Variants in PKN2 observed in about 807,000 individuals in gnomAD.
PKN2 encodes the protein serine/threonine-protein kinase N2.
PKN2 carries 38 observed loss-of-function variants against 119.1 expected under a neutral mutation model. The observed-to-expected ratio is 0.32, with a 90% CI of 0.25 to 0.42. The LOEUF (loss-of-function observed/expected upper bound fraction) is 0.42, where lower values mean the gene tolerates loss of function less well. PKN2 is among the 10% of genes least tolerant of loss of function. PKN2 has a pLI of 1.00. For synonymous variants in PKN2, 390 were observed against 384.9 expected (o/e 1.01, Z -0.15); for missense variants, 850 against 1,165.1 (o/e 0.73, Z 3.94).
chr1:88,705,259 GT>G (rs1361375984), intron 1 of PKN2, among the ~76,000 whole-genome samples: 3 of 150,868 alleles, frequency 2.0e-5, no homozygotes, highest in Non-Finnish European at 4.4e-5. Flanking sequence ...CTATTCTCCT[GT>G]TTTCTTCTAG....
At chr1:88,803,777 A>T (rs1671427092) in intron 8 of PKN2, among the ~76,000 whole-genome samples, 1 of 152,218 alleles carries the variant, frequency 6.6e-6, no homozygotes, top group African/African-American at 2.4e-5. Context: ...ATAAATGAAT[A>T]TCTTTCTGTA....
At chr1:88,707,646 T>G (rs564002716) in intron 1 of PKN2, among the ~76,000 whole-genome samples, 1 of 152,268 alleles carries the variant, frequency 6.6e-6, no homozygotes, top group African/African-American at 2.4e-5. Context: ...TTCCTTTTCC[T>G]TACAGATTAT....
In PKN2 at chr1:88,834,989, A is replaced by G. The variant is rs1672884856; in HGVS notation, c.*1541A>G. The stretch of plus-strand genomic sequence containing the variant: ...TTAACTATTTAATTACAGTGAGCTC[A>G]TCTCTTAAAAATTGTTCAGGTGTAA... On this transcript the variant is annotated 3_prime_UTR_variant, in exon 22 of 22. Transcript: ENST00000370521. 1 of 152,498 alleles carries G rather than the reference A, an allele frequency of 6.6e-6. No homozygotes were observed. The highest frequency in any genetic ancestry group is 2.1e-4 in the South Asian group (1 of 4,832). 9.4% of individuals were successfully genotyped at this position (152,498 alleles called of 1,614,324 possible). A position where few individuals can be genotyped will look rare whatever the true frequency, so the allele number is the denominator to read the frequency against.
intron 1 of PKN2, among the ~76,000 whole-genome samples, chr1:88,714,456 G>T (rs1030756807): frequency 5.9e-5 from 9 of 151,954 alleles, no homozygotes; most frequent in African/African-American, 2.2e-4. Flanking sequence ...CTTTTATTTT[G>T]TTGAGCAGTG....
intron 1 of PKN2, among the ~76,000 whole-genome samples, chr1:88,705,039 T>C (rs1022676685): frequency 6.6e-6 from 1 of 152,098 alleles, no homozygotes; most frequent in Non-Finnish European, 1.5e-5. Context: ...TTATTGAATG[T>C]TGAGAGTCTT....
chr1:88,748,064 TC>T (rs1668837942), intron 2 of PKN2, among the ~76,000 whole-genome samples: 1 of 152,278 alleles, frequency 6.6e-6, no homozygotes, highest in South Asian at 2.1e-4. Flanking sequence ...ATGTATAGAT[TC>T]CCTAATACTT....
At chr1:88,717,716 G>C (rs1461374903) in intron 1 of PKN2, among the ~76,000 whole-genome samples, 1 of 151,908 alleles carries the variant, frequency 6.6e-6, no homozygotes, top group African/African-American at 2.4e-5. Context: ...AAGGTTTTTA[G>C]CTTCCTTGCG....
chr1:88,826,347 T>TTGCCAAA (rs112351130), intron 18 of PKN2, among the ~76,000 whole-genome samples: 16,858 of 152,044 alleles, frequency 0.11, 1,914 homozygotes, highest in African/African-American at 0.3. Flanking sequence ...GCCAAGAATT[T>TTGCCAAA]TGCTTCATAT....
intron 8 of PKN2, among the ~76,000 whole-genome samples, chr1:88,804,028 A>G (rs573992569): frequency 1.3e-5 from 2 of 152,308 alleles, no homozygotes; most frequent in South Asian, 4.1e-4. Context: ...GGGTAGTAAC[A>G]TAGCACATGA....
chr1:88,777,580 T>C (rs1670156200), intron 6 of PKN2, among the ~76,000 whole-genome samples: 1 of 152,216 alleles, frequency 6.6e-6, no homozygotes, highest in African/African-American at 2.4e-5. Flanking sequence ...TTTTATAATC[T>C]ATTTTGTAGA....
chr1:88,777,165 T>C (rs554091455), intron 6 of PKN2, among the ~76,000 whole-genome samples: 1 of 152,318 alleles, frequency 6.6e-6, no homozygotes, highest in South Asian at 2.1e-4. Flanking sequence ...CTTTTTCTTC[T>C]GCCTGCTCAA....
In PKN2 at chr1:88,834,743, G is replaced by A. The variant is rs772179781; in HGVS notation, c.*1295G>A. ...CAACTCTTCAAAGGATCCGTCTGTG[G>A]CTTTTTATACTCTTTTAGGGTTGTC... On this transcript the variant is annotated 3_prime_UTR_variant, in exon 22 of 22. Transcript: ENST00000370521. 6.6e-6 allele frequency: 1 copy of A among 152,122 alleles called. No homozygotes were observed. Among genetic ancestry groups the A allele is most frequent in the Non-Finnish European group, 1.5e-5 (1 of 67,910 alleles). 9.4% of individuals were successfully genotyped at this position (152,122 alleles called of 1,614,324 possible).
intron 15 of PKN2, among the ~76,000 whole-genome samples, chr1:88,809,654 C>T (rs1259766056): frequency 6.6e-6 from 1 of 152,218 alleles, no homozygotes; most frequent in South Asian, 2.1e-4. Flanking sequence ...CAGGGTCTCA[C>T]TGTGTCACCC....
chr1:88,824,197 C>T (rs1672407731), intron 17 of PKN2, 113 bp from the exon 18 acceptor site: 1 of 580,714 alleles, frequency 1.7e-6, no homozygotes, highest in Non-Finnish European at 3.1e-6. Context: ...CTTGGAAATC[C>T]CATTTTTAAT....
At chr1:88,713,763 G>A (rs1353811973) in intron 1 of PKN2, among the ~76,000 whole-genome samples, 1 of 152,148 alleles carries the variant, frequency 6.6e-6, no homozygotes, top group Non-Finnish European at 1.5e-5. Flanking sequence ...CTTTTGCTAT[G>A]CAGAAGCTCT....
intron 3 of PKN2, among the ~76,000 whole-genome samples, chr1:88,765,278 A>G (rs976794851): frequency 2.0e-4 from 18 of 91,410 alleles, no homozygotes; most frequent in Admixed American, 1.5e-3. Context: ...TTGAGACTTC[A>G]TCTCAAAAAA....
intron 1 of PKN2, among the ~76,000 whole-genome samples, chr1:88,731,186 G>A (rs1668132302): frequency 6.6e-6 from 1 of 152,196 alleles, no homozygotes; most frequent in Non-Finnish European, 1.5e-5. Context: ...GAAACCGAAA[G>A]ATAGATAAGC....
At position 88,684,523 on chromosome 1, in the gene PKN2, G is replaced by A. The variant is rs1176795222; in HGVS notation, c.-58G>A. The A allele has an allele frequency of 6.2e-6, 7 of 1,129,342 alleles. No individual in the cohort carries two copies. The African/African-American group carries it at 6.9e-5, about 11-fold the overall frequency. The allele number at this position is 1,129,342 out of a possible 1,614,324, so 70.0% of individuals were successfully genotyped here. On this transcript the variant is annotated 5_prime_UTR_variant, in exon 1 of 22. Transcript: ENST00000370521. Reference sequence around the variant, plus strand: ...TCACCCCCACCCCGAGCCCCGTCCCGCCTTCTCCCTTCGCCAGAGGCGGCC... The same window carrying A: ...TCACCCCCACCCCGAGCCCCGTCCCACCTTCTCCCTTCGCCAGAGGCGGCC...
In PKN2 at chr1:88,833,431, A is replaced by G. The variant is rs777447363; in HGVS notation, c.2938A>G (p.Ile980Val). 28 of 1,612,988 alleles carry G rather than the reference A, an allele frequency of 1.7e-5. No individual in the cohort carries two copies. The highest frequency in any genetic ancestry group is 2.7e-5 in the African/African-American group (2 of 74,884). ...GGAAATGTTCAGAGATTTTGACTACATTGCTGATTGGTGTTAAGTTGCTAG... is the reference window on the plus strand; with the variant it reads ...GGAAATGTTCAGAGATTTTGACTACGTTGCTGATTGGTGTTAAGTTGCTAG... Reference protein sequence around the residue: ...EQEMFRDFDYIADWC With the variant: ...EQEMFRDFDYVADWC The change falls in exon 22 of 22, where the codon ATT becomes GTT. Residue 980 changes from isoleucine to valine, a missense_variant. Physicochemically the swap from Ile to Val is conservative, Grantham distance 29. Transcript: ENST00000370521.
Sources: allele counts gnomAD v4.1 joint callset (sites outside exome capture counted in the v4.1 genomes callset), GRCh38; gene constraint gnomAD v4.1.1; transcripts MANE v1.5; gene names NCBI Gene and HGNC (gene_info 2026-07-23, HGNC 2026-07-21).